Variants in XPA observed in about 807,000 individuals in gnomAD.
XPA encodes the protein DNA repair protein complementing XP-A cells.
Under a neutral mutation model 35.7 loss-of-function variants are expected in XPA, and 27 were observed. That is an observed-to-expected ratio of 0.76 (90% confidence interval 0.56 to 1.04). The LOEUF (loss-of-function observed/expected upper bound fraction) is 1.04. Ranked by LOEUF, XPA falls within the 50% of genes least tolerant of loss-of-function variation. The pLI, the probability that XPA is intolerant of heterozygous loss-of-function variation, is 0.00. For missense variants in XPA, 354 were observed against 342.7 expected, an observed-to-expected ratio of 1.03 and a Z score of -0.26; for synonymous variants, 133 against 118.4, an observed-to-expected ratio of 1.12 and a Z score of -0.80.
chr9:97,655,697 C>T, the XPA span: 16 of 1,608,676 alleles, frequency 9.9e-6, 1 homozygote, highest in Non-Finnish European at 1.1e-5. Flanking sequence ...CCCTTCTCTA[C>T]GTAGGTTTAT....
At chr9:97,669,551 A>T in the XPA span, 1 of 1,390,234 alleles carries the variant, frequency 7.2e-7, no homozygotes, top group Non-Finnish European at 1.0e-6. Flanking sequence ...AAAGTATAAG[A>T]TTCTGTCTGT....
intron 3 of XPA, 119 bp from the exon 4 acceptor site, chr9:97,687,380 C>T (rs2131396965): frequency 1.3e-6 from 1 of 775,674 alleles, no homozygotes; most frequent in East Asian, 2.8e-5. Flanking sequence ...CTTTTTCCTG[C>T]AACTCTCATG....
chr9:97,661,990 C>G, the XPA span: 1 of 1,301,778 alleles, frequency 7.7e-7, no homozygotes, highest in Non-Finnish European at 1.1e-6. Flanking sequence ...GGTAAGGCAC[C>G]AAGGAATTGC....
downstream of XPA, chr9:97,672,727 G>A (rs558654621): frequency 1.1e-5 from 2 of 179,720 alleles, no homozygotes; most frequent in South Asian, 1.6e-4. Flanking sequence ...CCTGCTCAAC[G>A]TGAAGATGAT....
At chr9:97,685,885 A>C (rs1334293487) in intron 4 of XPA, among the ~76,000 whole-genome samples, 1 of 152,260 alleles carries the variant, frequency 6.6e-6, no homozygotes, top group African/African-American at 2.4e-5. Context: ...GAATACCTTC[A>C]TAAGTCTTTT....
intron 2 of XPA, among the ~76,000 whole-genome samples, chr9:97,689,846 T>C (rs1828833914): frequency 1.3e-5 from 2 of 152,060 alleles, no homozygotes; most frequent in African/African-American, 4.8e-5. Flanking sequence ...AACGTAGCAA[T>C]TCCACAAATA....
chr9:97,662,944 T>C, the XPA span: 3 of 1,594,312 alleles, frequency 1.9e-6, no homozygotes, highest in African/African-American at 1.4e-5. Context: ...TTTCCCATCA[T>C]TATCAAAAGG....
chr9:97,686,482 CT>C (rs1828720466), intron 4 of XPA, among the ~76,000 whole-genome samples: 1 of 152,082 alleles, frequency 6.6e-6, no homozygotes, highest in Admixed American at 6.5e-5. Flanking sequence ...TGAAATTTTT[CT>C]TTTTTTAAAA....
In XPA at chr9:97,675,339, A is replaced by C. The variant is rs1208740897; in HGVS notation, c.*100T>G. On this transcript the variant is annotated 3_prime_UTR_variant, in exon 6 of 6. Coordinates refer to ENST00000375128, the MANE Select transcript of XPA (RefSeq NM_000380.4). ...ACTTATACAAGGGTTTCATTCATCT[A>C]TGAAGATGTTGCTTTTTTTTTTGAA... 1 of 1,255,174 alleles carries C rather than the reference A, an allele frequency of 8.0e-7. No homozygotes were observed. Among genetic ancestry groups the C allele is most frequent in the East Asian group, 2.5e-5 (1 of 39,496 alleles). The allele number at this position is 1,255,174 out of a possible 1,614,324, so 77.8% of individuals were successfully genotyped here.
chr9:97,656,549 C>T, the XPA span, among the ~76,000 whole-genome samples: 1 of 151,942 alleles, frequency 6.6e-6, no homozygotes, highest in African/African-American at 2.4e-5. Context: ...ACACTCTTAT[C>T]TCAAAAAAAT....
intron 5 of XPA, among the ~76,000 whole-genome samples, chr9:97,682,879 T>C (rs1359262210): frequency 2.0e-5 from 3 of 152,172 alleles, no homozygotes; most frequent in Admixed American, 6.5e-5. Flanking sequence ...ACTACTAATA[T>C]ATATGCCACA....
At chr9:97,680,917 G>A (rs1370811042) in intron 5 of XPA, among the ~76,000 whole-genome samples, 2 of 152,170 alleles carry the variant, frequency 1.3e-5, no homozygotes, top group South Asian at 4.1e-4. Flanking sequence ...GGTTTACCAC[G>A]TTCCAACCTC....
the XPA span, among the ~76,000 whole-genome samples, chr9:97,656,290 A>G: frequency 6.6e-6 from 1 of 152,368 alleles, no homozygotes; most frequent in East Asian, 1.9e-4. Flanking sequence ...GTTCTTTTAA[A>G]GATGTCACAG....
chr9:97,676,903 G>A (rs572957189), intron 5 of XPA, among the ~76,000 whole-genome samples: 1 of 152,234 alleles, frequency 6.6e-6, no homozygotes, highest in African/African-American at 2.4e-5. Flanking sequence ...ATATTCTGAA[G>A]ACCTTGGTTT....
chr9:97,677,510 A>T (rs1183466572), intron 5 of XPA, among the ~76,000 whole-genome samples: 1 of 152,058 alleles, frequency 6.6e-6, no homozygotes, highest in Non-Finnish European at 1.5e-5. Context: ...CCAATCTCTT[A>T]AAATAAATAA....
At chr9:97,694,506 A>G (rs990583926) in intron 1 of XPA, among the ~76,000 whole-genome samples, 2 of 152,274 alleles carry the variant, frequency 1.3e-5, no homozygotes, top group Non-Finnish European at 2.9e-5. Context: ...CAAAAAGCAC[A>G]TGAAAAGGTT....
chr9:97,664,262 A>G, the XPA span: 1 of 866,870 alleles, frequency 1.2e-6, no homozygotes, highest in Non-Finnish European at 1.8e-6. Context: ...TTTTACTTTT[A>G]TAGCAGCAGT....
the XPA span, among the ~76,000 whole-genome samples, chr9:97,659,301 T>C: frequency 6.6e-6 from 1 of 152,214 alleles, no homozygotes; most frequent in Non-Finnish European, 1.5e-5. Flanking sequence ...TGTGGAGTTT[T>C]TCCAACTTGT....
rs141710852 is a variant in XPA at position 97,695,897 on chromosome 9, G to C, written c.172+1224C>G. Among the ~76,000 whole-genome samples the C allele has an allele frequency of 1.2e-3, 182 of 152,246 alleles. 3 individuals are homozygous for C. The highest frequency in any genetic ancestry group is 4.3e-3 in the African/African-American group (179 of 41,534). The stretch of plus-strand genomic sequence containing the variant: ...ATGTTCATTCTACCTTGCTTTCCAT[G>C]ATCAAAAGTTTAATTTAATGTCAGT... On this transcript the variant is annotated intron_variant, in intron 1 of 5. Coordinates refer to ENST00000375128, the MANE Select transcript of XPA (RefSeq NM_000380.4).
Sources: allele counts gnomAD v4.1 joint callset (sites outside exome capture counted in the v4.1 genomes callset), GRCh38; gene constraint gnomAD v4.1.1; transcripts MANE v1.5; gene names NCBI Gene and HGNC (gene_info 2026-07-23, HGNC 2026-07-21).